PRKG1: variants seen among roughly 807,000 people sequenced by gnomAD.
PRKG1 encodes protein kinase cGMP-dependent 1, also known as cGMP-dependent protein kinase 1.
In PRKG1, 35 loss-of-function variants were observed where a neutral mutation model predicts 88.1. That is an observed-to-expected ratio of 0.40 (90% CI 0.30 to 0.53). PRKG1 has a LOEUF of 0.53. Ranked by LOEUF, PRKG1 falls within the 20% of genes least tolerant of loss-of-function variation. The probability of loss-of-function intolerance (pLI) is 0.59; values close to 1 mark genes in which losing one functional copy is unlikely to be tolerated. For missense variants in PRKG1, 540 were observed against 839.8 expected, an observed-to-expected ratio of 0.64 and a Z score of 4.41; for synonymous variants, 303 against 292.5, an observed-to-expected ratio of 1.04 and a Z score of -0.37.
Position 51,816,324 on chromosome 10 carries a change from C to A in PRKG1, c.698+11634C>A, listed in dbSNP as rs146326821. On this transcript the variant is annotated intron_variant, in intron 4 of 17. Transcript: ENST00000373980. The stretch of plus-strand genomic sequence containing the variant: ...CAGGTCCAATCCAAAAATCCTCATT[C>A]TGTTAATTTATCAGGCCAATTTCCT... Among the ~76,000 whole-genome samples the A allele has an allele frequency of 3.7e-3, 568 of 152,182 alleles. 6 individuals are homozygous for A. The highest frequency in any genetic ancestry group is 2.7e-3 in the Non-Finnish European group (182 of 68,010).
intron 5 of PRKG1, among the ~76,000 whole-genome samples, chr10:52,037,819 C>A (rs1396038747): frequency 6.6e-6 from 1 of 152,006 alleles, no homozygotes; most frequent in Non-Finnish European, 1.5e-5. Flanking sequence ...CGAGGAGCAG[C>A]CTGGGGAGGA....
chr10:51,800,941 G>A (rs1263097429), intron 3 of PRKG1, among the ~76,000 whole-genome samples: 1 of 152,080 alleles, frequency 6.6e-6, no homozygotes, highest in Non-Finnish European at 1.5e-5. Context: ...ATTTTGGGAG[G>A]ACACAAACAT....
chr10:51,451,753 G>A (rs293267), intron 2 of PRKG1, among the ~76,000 whole-genome samples: 53,201 of 151,642 alleles, frequency 0.35, 10,588 homozygotes, highest in African/African-American at 0.51. Context: ...CTCACAATAA[G>A]TATTTGTATC....
chr10:51,487,165 A>G (rs1489561639), intron 3 of PRKG1, among the ~76,000 whole-genome samples: 1 of 152,198 alleles, frequency 6.6e-6, no homozygotes, highest in Non-Finnish European at 1.5e-5. Context: ...AGACATTAAA[A>G]GAAAATCTTA....
At chr10:51,286,316 G>A (rs1411365636) in intron 2 of PRKG1, among the ~76,000 whole-genome samples, 1 of 152,098 alleles carries the variant, frequency 6.6e-6, no homozygotes, top group Non-Finnish European at 1.5e-5. Context: ...ACAATAATGT[G>A]GTTTTGGCAA....
chr10:51,604,697 TCTTCGGTGCCCACTGCTCAAAACC>T (rs1468469555), intron 3 of PRKG1, among the ~76,000 whole-genome samples: 3 of 152,246 alleles, frequency 2.0e-5, no homozygotes, highest in Non-Finnish European at 4.4e-5. Context: ...GTGGCTCACT[TCTTCGGTGCCCACTGCTCAAAACC>T]CTAGGGGGAG....
At chr10:52,290,045 A>C (rs570461645) in intron 16 of PRKG1, among the ~76,000 whole-genome samples, 179 bp from the exon 17 acceptor site, 5 of 152,338 alleles carry the variant, frequency 3.3e-5, no homozygotes. Context: ...ATACTTTTAA[A>C]AATATGTATT....
chr10:51,139,463 CT>C (rs1211436579), intron 1 of PRKG1, among the ~76,000 whole-genome samples: 1 of 152,142 alleles, frequency 6.6e-6, no homozygotes, highest in Non-Finnish European at 1.5e-5. Flanking sequence ...CCCTGGTTGT[CT>C]TTTTGTGTCT....
chr10:51,987,064 A>G (rs564119634), intron 5 of PRKG1, among the ~76,000 whole-genome samples: 20 of 152,274 alleles, frequency 1.3e-4, no homozygotes, highest in African/African-American at 4.8e-4. Context: ...CTAGTTATGT[A>G]TTATATCTAC....
intron 3 of PRKG1, among the ~76,000 whole-genome samples, chr10:51,563,228 A>G (rs1344883819): frequency 6.6e-6 from 1 of 152,196 alleles, no homozygotes; most frequent in Non-Finnish European, 1.5e-5. Context: ...AATGAGTTCT[A>G]GTGTTGTACA....
chr10:51,705,628 G>A (rs545703382), intron 3 of PRKG1, among the ~76,000 whole-genome samples: 1 of 152,170 alleles, frequency 6.6e-6, no homozygotes. Context: ...TGAGCACTTA[G>A]TAGGGAGAAG....
intron 2 of PRKG1, among the ~76,000 whole-genome samples, chr10:51,451,533 A>G (rs993051616): frequency 6.6e-6 from 1 of 151,974 alleles, no homozygotes; most frequent in African/African-American, 2.4e-5. Context: ...GTATTCATGG[A>G]AATACTAGAC....
chr10:51,943,380 A>T (rs1231781103), intron 5 of PRKG1, among the ~76,000 whole-genome samples: 1 of 151,984 alleles, frequency 6.6e-6, no homozygotes, highest in Non-Finnish European at 1.5e-5. Context: ...TTCTAGATAT[A>T]CAATCATGTC....
chr10:51,590,567 A>G (rs2132206312), intron 3 of PRKG1, among the ~76,000 whole-genome samples: 1 of 152,342 alleles, frequency 6.6e-6, no homozygotes, highest in African/African-American at 2.4e-5. Flanking sequence ...CTTTCTACAC[A>G]AAGATTTCCT....
At chr10:52,122,040 G>C (rs895780477) in intron 7 of PRKG1, among the ~76,000 whole-genome samples, 1 of 152,150 alleles carries the variant, frequency 6.6e-6, no homozygotes, top group African/African-American at 2.4e-5. Context: ...CCGAAGTTGG[G>C]GAAACTGTAA....
intron 3 of PRKG1, among the ~76,000 whole-genome samples, chr10:51,579,075 G>A (rs538582893): frequency 1.4e-5 from 2 of 145,608 alleles, no homozygotes; most frequent in African/African-American, 5.1e-5. Context: ...TCTGCCTCCT[G>A]GGTTCAAGCG....
chr10:51,842,016 T>A (rs1175977129), intron 4 of PRKG1, among the ~76,000 whole-genome samples: 11 of 152,190 alleles, frequency 7.2e-5, no homozygotes, highest in Admixed American at 7.2e-4. Flanking sequence ...TATAGAGTCT[T>A]GGATTTCAAG....
chr10:51,744,713 G>A (rs933926841), intron 3 of PRKG1, among the ~76,000 whole-genome samples: 2 of 152,158 alleles, frequency 1.3e-5, no homozygotes, highest in African/African-American at 4.8e-5. Flanking sequence ...GGAAGCTGTT[G>A]CATTAACCAT....
intron 3 of PRKG1, among the ~76,000 whole-genome samples, chr10:51,646,022 G>T (rs1839907052): frequency 6.6e-6 from 1 of 152,136 alleles, no homozygotes; most frequent in Admixed American, 6.5e-5. Flanking sequence ...AAAAAATCCT[G>T]TTGGGGTGGG....
Sources: allele counts gnomAD v4.1 joint callset (sites outside exome capture counted in the v4.1 genomes callset), GRCh38; gene constraint gnomAD v4.1.1; transcripts MANE v1.5; gene names NCBI Gene and HGNC (gene_info 2026-07-23, HGNC 2026-07-21).